Variants in VAPB observed in about 807,000 individuals in gnomAD.
VAPB encodes vesicle-associated membrane protein-associated protein B/C.
Under a neutral mutation model 25.6 loss-of-function variants are expected in VAPB, and 7 were observed. The ratio of observed to expected loss-of-function variants is 0.27; its 90% confidence interval spans 0.16 to 0.51. VAPB has a LOEUF of 0.51. Among genes scored for constraint, VAPB ranks in the 20% least tolerant of loss-of-function variants. The probability of loss-of-function intolerance (pLI) is 0.97; values close to 1 mark genes in which losing one functional copy is unlikely to be tolerated. For missense variants in VAPB, 266 were observed against 301.3 expected (o/e 0.88, Z 0.87); for synonymous variants, 112 against 109.2 (o/e 1.03, Z -0.16).
At position 58,435,286 on chromosome 20, in the gene VAPB, G is replaced by GA. The variant is rs974361887; in HGVS notation, c.315+593dup. 6.8e-3 allele frequency among the ~76,000 whole-genome samples: 962 copies of GA among 141,488 alleles called. 5 individuals are homozygous for GA. Among genetic ancestry groups the GA allele is most frequent in the Middle Eastern group, 0.015 (4 of 272 alleles). The allele number at this position is 141,488 out of a possible 152,430, so 92.8% of individuals were successfully genotyped here. On this transcript the variant is annotated intron_variant, in intron 3 of 5. Transcript: ENST00000475243. ...ATAAGTGATGTTAGTGATGGTTTTG[G>GA]AAAAAAAAAAAAGAGTATAATGGAC...
chr20:58,441,308 C>T (rs936281383), intron 5 of VAPB, among the ~76,000 whole-genome samples: 1 of 151,512 alleles, frequency 6.6e-6, no homozygotes, highest in East Asian at 1.9e-4. Context: ...AGAAATTTCT[C>T]AACTGTTGAA....
Position 58,447,243 on chromosome 20 carries a change from C to T in VAPB, c.*3008C>T, listed in dbSNP as rs1989314366. 2.2e-6 allele frequency: 1 copy of T among 454,022 alleles called. No individual in the cohort carries two copies. The highest frequency in any genetic ancestry group is 2.0e-5 in the African/African-American group (1 of 50,014). The allele number at this position is 454,022 out of a possible 1,614,324, so 28.1% of individuals were successfully genotyped here. A position where few individuals can be genotyped will look rare whatever the true frequency, so the allele number is the denominator to read the frequency against. ...AGTTTTAAATTGGTAACTTAAGCTT[C>T]CTTGGCACGATACAAAATACCTCTT... On this transcript the variant is annotated 3_prime_UTR_variant, in exon 6 of 6. Transcript: ENST00000475243.
Position 58,445,209 on chromosome 20 carries a change from AC to A in VAPB, c.*976del, listed in dbSNP as rs1989256427. On this transcript the variant is annotated 3_prime_UTR_variant, in exon 6 of 6. Coordinates refer to ENST00000475243, the MANE Select transcript of VAPB (RefSeq NM_004738.5). ...CAGTAGTGACAGTCAACTCTAGGTTACCTTTTTTAATGAAGAGTAGTCAGTC... is the reference window on the plus strand; with the variant it reads ...CAGTAGTGACAGTCAACTCTAGGTTACTTTTTTAATGAAGAGTAGTCAGTC... 2.2e-6 allele frequency: 1 copy of A among 454,146 alleles called. No individual in the cohort carries two copies. The highest frequency in any genetic ancestry group is 1.6e-5 in the South Asian group (1 of 64,472). The allele number at this position is 454,146 out of a possible 1,614,324, so 28.1% of individuals were successfully genotyped here. A position where few individuals can be genotyped will look rare whatever the true frequency, so the allele number is the denominator to read the frequency against.
chr20:58,414,977 C>T (rs538077721), intron 1 of VAPB, among the ~76,000 whole-genome samples: 33 of 152,394 alleles, frequency 2.2e-4, no homozygotes, highest in East Asian at 1.5e-3. Flanking sequence ...AATCCCGGCA[C>T]GTCGGGAGGC....
At position 58,444,923 on chromosome 20, in the gene VAPB, T is replaced by C. The variant is rs999489898; in HGVS notation, c.*688T>C. 1.8e-5 allele frequency: 8 copies of C among 454,526 alleles called. No individual in the cohort carries two copies. The highest frequency in any genetic ancestry group is 4.7e-5 in the Admixed American group (2 of 42,566). The allele number at this position is 454,526 out of a possible 1,614,324, so 28.2% of individuals were successfully genotyped here. A position where few individuals can be genotyped will look rare whatever the true frequency, so the allele number is the denominator to read the frequency against. On this transcript the variant is annotated 3_prime_UTR_variant, in exon 6 of 6. Transcript: ENST00000475243. ...TTCATGTAGTGAAGTCAAACTGTTA[T>C]TCAGAGATGTTTAATGCATATTTAA...
chr20:58,432,045 G>A (rs1241235851), intron 2 of VAPB, among the ~76,000 whole-genome samples: 1 of 152,070 alleles, frequency 6.6e-6, no homozygotes, highest in Non-Finnish European at 1.5e-5. Flanking sequence ...AGAAGCTGAG[G>A]GATGATGGAG....
intron 1 of VAPB, among the ~76,000 whole-genome samples, chr20:58,411,564 A>C (rs1197347237): frequency 6.6e-6 from 1 of 152,074 alleles, no homozygotes; most frequent in Non-Finnish European, 1.5e-5. Flanking sequence ...GAGCCACCGC[A>C]CCCGGCCAGA....
At chr20:58,420,450 GGC>G (rs1200214069) in intron 2 of VAPB, among the ~76,000 whole-genome samples, 1 of 152,206 alleles carries the variant, frequency 6.6e-6, no homozygotes, top group African/African-American at 2.4e-5. Context: ...CACAGAGTGT[GGC>G]ACAGTCATCA....
At chr20:58,415,697 C>T (rs953347010) in intron 1 of VAPB, among the ~76,000 whole-genome samples, 10 of 151,970 alleles carry the variant, frequency 6.6e-5, no homozygotes, top group African/African-American at 1.5e-4. Context: ...GGTAAATATG[C>T]ATGTTGGTAT....
intron 1 of VAPB, among the ~76,000 whole-genome samples, chr20:58,405,954 A>G (rs1988220723): frequency 6.6e-6 from 1 of 151,938 alleles, no homozygotes; most frequent in Non-Finnish European, 1.5e-5. Flanking sequence ...GGGTTTCTAG[A>G]TTAAATGTAG....
chr20:58,418,418 A>G, intron 2 of VAPB, 55 bp downstream of exon 2: 4 of 1,593,792 alleles, frequency 2.5e-6, no homozygotes, highest in Non-Finnish European at 3.4e-6. Context: ...CCTGGACAGT[A>G]GGTTTTCTTA....
intron 1 of VAPB, among the ~76,000 whole-genome samples, chr20:58,393,402 CTCTT>C (rs35182139): frequency 0.21 from 32,238 of 151,906 alleles, 3,891 homozygotes; most frequent in African/African-American, 0.32. Context: ...AAAATTGTCA[CTCTT>C]TCTGTTGATC....
Position 58,389,292 on chromosome 20 carries a change from G to A in VAPB, c.-168G>A. Reference sequence around the variant, plus strand: ...CGCCCTCCGCCCCTGCGCCTGCACCGCGTAGACCGACCCCCCCCCAGCGCG... The same window carrying A: ...CGCCCTCCGCCCCTGCGCCTGCACCACGTAGACCGACCCCCCCCCAGCGCG... On this transcript the variant is annotated 5_prime_UTR_variant, in exon 1 of 6. Coordinates refer to ENST00000475243, the MANE Select transcript of VAPB (RefSeq NM_004738.5). The A allele has an allele frequency of 1.4e-6, 1 of 719,382 alleles. No homozygotes were observed. 44.6% of individuals were successfully genotyped at this position (719,382 alleles called of 1,614,324 possible).
chr20:58,448,125 A>T lies in VAPB; in HGVS notation c.*3890A>T. 2.2e-6 allele frequency: 1 copy of T among 453,982 alleles called. No homozygotes were observed. Among genetic ancestry groups the T allele is most frequent in the Non-Finnish European group, 4.4e-6 (1 of 226,778 alleles). The allele number at this position is 453,982 out of a possible 1,614,324, so 28.1% of individuals were successfully genotyped here. ...CTTGGGGCCATGTTTGCTGTTGTTG[A>T]GAAGGAGTGTTCTCAAAGATGAGCT... On this transcript the variant is annotated 3_prime_UTR_variant, in exon 6 of 6. Transcript: ENST00000475243.
intron 4 of VAPB, chr20:58,439,304 C>A (rs972987364): frequency 2.2e-5 from 10 of 448,576 alleles, no homozygotes; most frequent in African/African-American, 2.0e-4. Flanking sequence ...TGTGGCCTGG[C>A]AAAGGTATAG....
At chr20:58,440,666 T>C (rs1317579232) in intron 4 of VAPB, 2 of 420,756 alleles carry the variant, frequency 4.8e-6, no homozygotes, top group Admixed American at 7.3e-5. Flanking sequence ...TTCTCTTTCT[T>C]TGAAGTATTA....
intron 1 of VAPB, among the ~76,000 whole-genome samples, chr20:58,413,946 G>T (rs1988452779): frequency 1.7e-5 from 1 of 60,334 alleles, no homozygotes. Flanking sequence ...TGGCCGGGTG[G>T]GGGGCTGACC....
rs180816367 is a variant in VAPB at position 58,393,994 on chromosome 20, A to G, written c.58+4477A>G. On this transcript the variant is annotated intron_variant, in intron 1 of 5. Transcript: ENST00000475243. The stretch of plus-strand genomic sequence containing the variant: ...TGATCCACCCACCTCGGCCTCCCAA[A>G]GTGCTGGGATGATAGGTGTGCGCCA... 4.7e-3 allele frequency among the ~76,000 whole-genome samples: 716 copies of G among 152,312 alleles called. 5 individuals are homozygous for G. Among genetic ancestry groups the G allele is most frequent in the Non-Finnish European group, 7.4e-3 (504 of 68,022 alleles).
At chr20:58,431,439 T>C (rs1011839767) in intron 2 of VAPB, 1 of 152,244 alleles carries the variant, frequency 6.6e-6, no homozygotes, top group African/African-American at 2.4e-5. Flanking sequence ...CAGTAACTAC[T>C]GTAAATTGTT....
Sources: allele counts gnomAD v4.1 joint callset (sites outside exome capture counted in the v4.1 genomes callset), GRCh38; gene constraint gnomAD v4.1.1; transcripts MANE v1.5; gene names NCBI Gene and HGNC (gene_info 2026-07-23, HGNC 2026-07-21).